The following CAMK1D variants were observed in gnomAD, a reference collection of about 807,000 sequenced individuals.
CAMK1D encodes the protein calcium/calmodulin dependent protein kinase ID.
CAMK1D carries 9 observed loss-of-function variants against 47.7 expected under a neutral mutation model. The observed-to-expected ratio is 0.19, with a 90% CI of 0.11 to 0.33. CAMK1D has a LOEUF of 0.33. Among genes scored for constraint, CAMK1D ranks in the 10% least tolerant of loss-of-function variants. The probability of loss-of-function intolerance (pLI) is 1.00; values close to 1 mark genes in which losing one functional copy is unlikely to be tolerated. For synonymous variants in CAMK1D, 184 were observed against 184.9 expected, an observed-to-expected ratio of 0.99 and a Z score of 0.04; for missense variants, 291 against 488.7, an observed-to-expected ratio of 0.60 and a Z score of 3.81.
chr10:12,636,960 AT>A (rs1489361536), intron 2 of CAMK1D, among the ~76,000 whole-genome samples: 7 of 152,188 alleles, frequency 4.6e-5, no homozygotes, highest in African/African-American at 1.7e-4. Context: ...GCAACTCAGA[AT>A]TAAGACCATA....
intron 2 of CAMK1D, among the ~76,000 whole-genome samples, chr10:12,563,700 G>GAGAGAGAGAGAGGGAGAGAGAGA (rs1564414542): frequency 1.2e-4 from 10 of 85,176 alleles, no homozygotes; most frequent in African/African-American, 4.1e-4. Flanking sequence ...AGAGAGAGAG[G>GAGAGAGAGAGAGGGAGAGAGAGA]GAGAGAGAGG....
intron 3 of CAMK1D, among the ~76,000 whole-genome samples, chr10:12,693,943 TATATA>T (rs1354213557): frequency 2.6e-5 from 2 of 77,098 alleles, no homozygotes; most frequent in Admixed American, 4.5e-4. Flanking sequence ...ATATATAAAA[TATATA>T]ATATATATTA....
chr10:12,743,738 C>T (rs527513643), intron 3 of CAMK1D, among the ~76,000 whole-genome samples: 220 of 152,262 alleles, frequency 1.4e-3, no homozygotes, highest in Middle Eastern at 0.01. Flanking sequence ...TTTGCCTGTT[C>T]CGGGCCAGGT....
chr10:12,526,795 G>C (rs370573745), intron 1 of CAMK1D, among the ~76,000 whole-genome samples: 5 of 151,270 alleles, frequency 3.3e-5, no homozygotes, highest in Non-Finnish European at 1.5e-5. Context: ...GTGCACGCCT[G>C]TAGTCCCAGC....
chr10:12,517,622 G>T (rs1047243707), intron 1 of CAMK1D, among the ~76,000 whole-genome samples: 1 of 152,178 alleles, frequency 6.6e-6, no homozygotes, highest in South Asian at 2.1e-4. Context: ...TTATGTGTCT[G>T]TTGAGATGTC....
chr10:12,753,602 C>T (rs951649793), intron 3 of CAMK1D, among the ~76,000 whole-genome samples: 3 of 152,332 alleles, frequency 2.0e-5, no homozygotes, highest in African/African-American at 7.2e-5. Context: ...CTGCCTCACC[C>T]TTCTGCCCGG....
chr10:12,708,847 A>G (rs1050952196), intron 3 of CAMK1D, among the ~76,000 whole-genome samples: 2 of 152,174 alleles, frequency 1.3e-5, no homozygotes, highest in Non-Finnish European at 2.9e-5. Flanking sequence ...TGATCCCATT[A>G]GGCCAGGCGT....
chr10:12,763,726 C>A (rs1222836637), intron 4 of CAMK1D, among the ~76,000 whole-genome samples: 1 of 152,218 alleles, frequency 6.6e-6, no homozygotes, highest in African/African-American at 2.4e-5. Context: ...TTATGGATAA[C>A]ATTAACGTTA....
Position 12,486,766 on chromosome 10 carries a change from C to T in CAMK1D, c.93-66459C>T, listed in dbSNP as rs1161392964. ...GCCAGAGGCTTACAGCCCCGAGGGG[C>T]CCACTTTTAAAACATTTCATGCATT... is the stretch of plus-strand genomic sequence containing the variant. On this transcript the variant is annotated intron_variant, in intron 1 of 10. Transcript: ENST00000619168. 2.0e-5 allele frequency among the ~76,000 whole-genome samples: 3 copies of T among 152,244 alleles called. No individual in the cohort carries two copies. The East Asian group carries it at 5.8e-4, about 29-fold the overall frequency.
intron 8 of CAMK1D, among the ~76,000 whole-genome samples, chr10:12,818,664 C>T (rs1277264186): frequency 7.1e-6 from 1 of 140,826 alleles, no homozygotes; most frequent in South Asian, 2.3e-4. Context: ...GAGCGAGACT[C>T]TGTCCCAAAA....
intron 1 of CAMK1D, among the ~76,000 whole-genome samples, chr10:12,504,011 G>T (rs1433060889): frequency 2.6e-5 from 4 of 152,088 alleles, no homozygotes; most frequent in African/African-American, 9.7e-5. Context: ...CTGAGGCATG[G>T]ATTTCTCTGG....
intron 1 of CAMK1D, among the ~76,000 whole-genome samples, chr10:12,377,194 A>G (rs1838209973): frequency 6.6e-6 from 1 of 152,060 alleles, no homozygotes; most frequent in South Asian, 2.1e-4. Flanking sequence ...AAAACAAAAC[A>G]AACAAATTAA....
intron 1 of CAMK1D, among the ~76,000 whole-genome samples, chr10:12,552,287 C>T (rs1836609996): frequency 6.6e-6 from 1 of 152,190 alleles, no homozygotes; most frequent in Admixed American, 6.5e-5. Flanking sequence ...CAGTCTTCCC[C>T]ACTCCATAGC....
At chr10:12,475,812 G>A (rs1017210582) in intron 1 of CAMK1D, among the ~76,000 whole-genome samples, 9 of 151,968 alleles carry the variant, frequency 5.9e-5, no homozygotes, top group East Asian at 1.9e-4. Flanking sequence ...GGTTCTCCTC[G>A]CACTTGTATT....
rs751142792 is a variant in CAMK1D at position 12,403,385 on chromosome 10, G to C, written c.92+53475G>C. Among the ~76,000 whole-genome samples, 3 of 152,176 alleles carry C rather than the reference G, an allele frequency of 2.0e-5. No individual in the cohort carries two copies. The South Asian group carries it at 6.2e-4, about 32-fold the overall frequency. ...GGGACCTTGGGTGAGTCCTCGCTCC[G>C]TGCCCACCTGTCTTTCTTGGATAAA... is the stretch of plus-strand genomic sequence containing the variant. On this transcript the variant is annotated intron_variant, in intron 1 of 10. Transcript: ENST00000619168.
At chr10:12,701,703 G>C (rs1833525625) in intron 3 of CAMK1D, among the ~76,000 whole-genome samples, 1 of 152,236 alleles carries the variant, frequency 6.6e-6, no homozygotes, top group Admixed American at 6.5e-5. Context: ...AATTCAGGCA[G>C]TTTGAGCATT....
chr10:12,509,486 C>T (rs570511007), intron 1 of CAMK1D, among the ~76,000 whole-genome samples: 102 of 152,324 alleles, frequency 6.7e-4, no homozygotes, highest in Non-Finnish European at 1.1e-3. Context: ...GTGGCTCACG[C>T]CTGTAACCCA....
intron 1 of CAMK1D, among the ~76,000 whole-genome samples, chr10:12,417,383 A>G (rs1839890193): frequency 6.6e-6 from 1 of 152,222 alleles, no homozygotes; most frequent in Non-Finnish European, 1.5e-5. Flanking sequence ...AGAGCAAGGA[A>G]TTTTGGGGAT....
chr10:12,714,299 C>T (rs1834037344), intron 3 of CAMK1D, among the ~76,000 whole-genome samples: 1 of 152,150 alleles, frequency 6.6e-6, no homozygotes, highest in East Asian at 1.9e-4. Flanking sequence ...GGCATAGTCC[C>T]CAAAACATGC....
Sources: gnomAD v4.1 joint callset for allele counts (sites outside exome capture counted in the v4.1 genomes callset) on GRCh38, gnomAD v4.1.1 for gene constraint, MANE v1.5 for transcripts, NCBI Gene and HGNC (gene_info 2026-07-23, HGNC 2026-07-21) for gene names.